The following ANKRD24 variants were observed in gnomAD, a reference collection of about 807,000 sequenced individuals.
ANKRD24 encodes ankyrin repeat domain 24.
A neutral mutation model predicts 127.8 loss-of-function variants in ANKRD24; 109 were observed. The observed-to-expected ratio is 0.85, with a 90% CI of 0.73 to 1.00. The LOEUF is 1.00. Among genes scored for constraint, ANKRD24 ranks in the 50% least tolerant of loss-of-function variants. ANKRD24 has a pLI of 0.00. For synonymous variants in ANKRD24, 743 were observed against 671.1 expected, an observed-to-expected ratio of 1.11 and a Z score of -1.66; for missense variants, 1,648 against 1,570.2, an observed-to-expected ratio of 1.05 and a Z score of -0.84.
At chr19:4,187,285 C>T (rs760363367) in intron 2 of ANKRD24, among the ~76,000 whole-genome samples, 51 of 152,062 alleles carry the variant, frequency 3.4e-4, no homozygotes, top group Non-Finnish European at 6.6e-4. Context: ...CGGTGGCGGG[C>T]ACCTGTAATC....
intron 7 of ANKRD24, among the ~76,000 whole-genome samples, chr19:4,204,492 G>C (rs1052285956): frequency 7.9e-5 from 12 of 152,054 alleles, no homozygotes; most frequent in African/African-American, 2.9e-4. Context: ...AGGTCCCTAG[G>C]GTTTAATTTC....
At chr19:4,200,448 A>C (rs1969036508) in intron 5 of ANKRD24, among the ~76,000 whole-genome samples, 1 of 151,860 alleles carries the variant, frequency 6.6e-6, no homozygotes, top group Non-Finnish European at 1.5e-5. Context: ...TGGATGGGGA[A>C]GTAGCTGGCA....
intron 19 of ANKRD24, among the ~76,000 whole-genome samples, chr19:4,222,312 C>T (rs1209585846): frequency 2.0e-5 from 3 of 152,184 alleles, no homozygotes; most frequent in Non-Finnish European, 2.9e-5. Context: ...TTGCTTGAAC[C>T]TGGGAGGCGG....
At chr19:4,215,730 G>C (rs993018618) in intron 15 of ANKRD24, among the ~76,000 whole-genome samples, 1 of 150,948 alleles carries the variant, frequency 6.6e-6, no homozygotes, top group Admixed American at 6.6e-5. Flanking sequence ...AACTATGATC[G>C]CACCACTGCA....
intron 2 of ANKRD24, among the ~76,000 whole-genome samples, chr19:4,189,958 G>A (rs565644514): frequency 9.9e-5 from 15 of 152,080 alleles, no homozygotes; most frequent in Non-Finnish European, 1.8e-4. Context: ...AAAGAGAATG[G>A]GTGGAGACAG....
chr19:4,217,608 T>G lies in ANKRD24; in HGVS notation c.2448T>G (p.Asp816Glu). 1 of 1,297,070 alleles carries G rather than the reference T, an allele frequency of 7.7e-7. No individual in the cohort carries two copies. The highest frequency in any genetic ancestry group is 9.7e-7 in the Non-Finnish European group (1 of 1,026,978). The allele number at this position is 1,297,070 out of a possible 1,614,324, so 80.3% of individuals were successfully genotyped here. Reference sequence around the variant, plus strand: ...TGGAGGCGGCCTCGGCCTGCCTGGATGAGGCTCGGGCCAGCCGGCTGCTGG... The same window carrying G: ...TGGAGGCGGCCTCGGCCTGCCTGGAGGAGGCTCGGGCCAGCCGGCTGCTGG... ...RELEAASACL[D>E]EARASRLLAE... The change falls in exon 18 of 22, where the codon GAT (aspartate) becomes GAG (glutamate). Residue 816 changes from aspartate (D) to glutamate (E), a missense_variant. Physicochemically the swap from Asp to Glu is conservative, Grantham distance 45. Coordinates refer to ENST00000318934, the MANE Select transcript of ANKRD24 (RefSeq NM_001393985.1).
intron 2 of ANKRD24, among the ~76,000 whole-genome samples, chr19:4,190,206 T>C (rs1356205541): frequency 6.7e-6 from 1 of 148,626 alleles, no homozygotes; most frequent in Admixed American, 6.7e-5. Flanking sequence ...AAGGCCGAGG[T>C]GGGTGGGTCA....
At chr19:4,196,663 C>A (rs907426215) in intron 2 of ANKRD24, among the ~76,000 whole-genome samples, 52 of 152,224 alleles carry the variant, frequency 3.4e-4, no homozygotes, top group African/African-American at 1.2e-3. Context: ...GCGTGAGCCA[C>A]CGCGCCTGGC....
rs1183148467 is a variant in ANKRD24, at chr19:4,195,138, C to G, written c.37-4545C>G. Among the ~76,000 whole-genome samples the G allele has an allele frequency of 6.6e-6, 1 of 150,712 alleles. No individual in the cohort carries two copies. Among genetic ancestry groups the G allele is most frequent in the Admixed American group, 6.7e-5 (1 of 14,992 alleles). ...CCCAGGTTGGAGTGCAGTGGCACGA[C>G]TTCTGCTCACTGCAAGCTCCGCCTC... On this transcript the variant is annotated intron_variant, in intron 2 of 21. Transcript: ENST00000318934. The surrounding 1 kb of genome is among the most constrained non-coding windows in gnomAD (Gnocchi z 4.2).
intron 2 of ANKRD24, 95 bp downstream of exon 2, chr19:4,186,556 C>A: frequency 2.2e-6 from 3 of 1,360,476 alleles, no homozygotes; most frequent in Non-Finnish European, 3.1e-6. Context: ...CATTCCAGTA[C>A]CCACCTCTTC....
intron 2 of ANKRD24, among the ~76,000 whole-genome samples, chr19:4,194,747 G>A (rs981017273): frequency 1.3e-5 from 2 of 152,180 alleles, no homozygotes; most frequent in Admixed American, 6.5e-5. Flanking sequence ...GCATCCCAGA[G>A]GCAGAACCTG....
intron 1 of ANKRD24, among the ~76,000 whole-genome samples, chr19:4,183,638 G>A (rs938366279): frequency 8.6e-5 from 13 of 152,030 alleles, no homozygotes; most frequent in Admixed American, 6.5e-4. Context: ...AGTGAGCCGG[G>A]CGCAGTGGCT....
intron 2 of ANKRD24, among the ~76,000 whole-genome samples, chr19:4,193,530 A>G (rs1019476068): frequency 3.3e-5 from 5 of 151,434 alleles, no homozygotes; most frequent in African/African-American, 1.2e-4. Context: ...CATGGATTAC[A>G]CCGAGGGAAA....
At chr19:4,218,185 C>T in intron 18 of ANKRD24, 22 bp downstream of exon 18, 1 of 1,428,252 alleles carries the variant, frequency 7.0e-7, no homozygotes, top group South Asian at 1.5e-5. Context: ...TGGTCACCAC[C>T]CGGGCCCCAC....
At chr19:4,205,245 AC>A (rs1969320180) in intron 7 of ANKRD24, among the ~76,000 whole-genome samples, 1 of 152,144 alleles carries the variant, frequency 6.6e-6, no homozygotes, top group Non-Finnish European at 1.5e-5. Context: ...AAAAAAACCA[AC>A]CAACCAACAA....
intron 2 of ANKRD24, among the ~76,000 whole-genome samples, chr19:4,189,758 A>G (rs1968278718): frequency 6.6e-6 from 1 of 152,078 alleles, no homozygotes; most frequent in Non-Finnish European, 1.5e-5. Flanking sequence ...AGCTCATTTA[A>G]TCCTCACCAC....
At chr19:4,205,295 G>A (rs1969322920) in intron 7 of ANKRD24, among the ~76,000 whole-genome samples, 1 of 152,180 alleles carries the variant, frequency 6.6e-6, no homozygotes, top group Admixed American at 6.5e-5. Flanking sequence ...TGTGTGTCAG[G>A]CACCGTTCTA....
chr19:4,197,401 AAATG>A (rs201876104), intron 2 of ANKRD24, among the ~76,000 whole-genome samples: 90 of 149,704 alleles, frequency 6.0e-4, no homozygotes, highest in African/African-American at 1.6e-3. Flanking sequence ...GGGAATGAAC[AAATG>A]AATGAATGGG....
intron 2 of ANKRD24, among the ~76,000 whole-genome samples, chr19:4,187,442 G>A (rs1968132977): frequency 6.6e-6 from 1 of 152,016 alleles, no homozygotes; most frequent in South Asian, 2.1e-4. Flanking sequence ...AAAAGGGAAG[G>A]GGAGTGGGGG....
Sources: gnomAD v4.1 joint callset for allele counts (sites outside exome capture counted in the v4.1 genomes callset) on GRCh38, gnomAD v4.1.1 for gene constraint, Gnocchi (gnomAD v3.1) non-coding constraint, MANE v1.5 for transcripts, NCBI Gene and HGNC (gene_info 2026-07-23, HGNC 2026-07-21) for gene names.